TRDN: variants seen among roughly 807,000 people sequenced by gnomAD.
The protein encoded by TRDN is triadin.
In TRDN, 161 loss-of-function variants were observed where a neutral mutation model predicts 149.7. The observed-to-expected ratio is 1.08, with a 90% CI of 0.95 to 1.23. The LOEUF (loss-of-function observed/expected upper bound fraction) is 1.23, where lower values mean the gene tolerates loss of function less well. Among genes scored for constraint, TRDN ranks in the 50% most tolerant of loss-of-function variants. The pLI is 0.00. For synonymous variants in TRDN, 294 were observed against 250.5 expected (o/e 1.17, Z -1.64); for missense variants, 896 against 823.5 (o/e 1.09, Z -1.08).
chr6:123,373,196 G>C (rs1781385087), intron 19 of TRDN, among the ~76,000 whole-genome samples: 1 of 152,164 alleles, frequency 6.6e-6, no homozygotes, highest in African/African-American at 2.4e-5. Flanking sequence ...CCCAGTGGGA[G>C]GTAATTGAAT....
intron 23 of TRDN, among the ~76,000 whole-genome samples, chr6:123,325,683 A>C (rs563398855): frequency 2.5e-4 from 38 of 152,198 alleles, no homozygotes; most frequent in African/African-American, 9.1e-4. Context: ...ACAAAACTCC[A>C]CCTTTTTATG....
chr6:123,293,793 C>T (rs1778093514), intron 24 of TRDN, among the ~76,000 whole-genome samples: 1 of 147,142 alleles, frequency 6.8e-6, no homozygotes, highest in African/African-American at 2.4e-5. Context: ...TTAGGAGTAG[C>T]TTTCCCCTGT....
At chr6:123,221,607 A>T (rs1242329274) in intron 39 of TRDN, 85 bp from the exon 40 acceptor site, 1 of 840,264 alleles carries the variant, frequency 1.2e-6, no homozygotes, top group Non-Finnish European at 1.8e-6. Flanking sequence ...ATGTCTAAAC[A>T]GAAGCACACT....
At chr6:123,537,438 G>A (rs1445583320) in intron 4 of TRDN, among the ~76,000 whole-genome samples, 1 of 152,134 alleles carries the variant, frequency 6.6e-6, no homozygotes, top group Non-Finnish European at 1.5e-5. Context: ...GAGTTTTCAA[G>A]TATAATGGAG....
chr6:123,475,200 A>G (rs1777409316), intron 9 of TRDN, among the ~76,000 whole-genome samples: 1 of 147,552 alleles, frequency 6.8e-6, no homozygotes, highest in Admixed American at 6.8e-5. Context: ...AATCAAATAG[A>G]CGCAATAAAA....
intron 10 of TRDN, among the ~76,000 whole-genome samples, chr6:123,448,133 G>A (rs1358913779): frequency 4.6e-5 from 7 of 152,182 alleles, no homozygotes; most frequent in African/African-American, 1.7e-4. Context: ...GCACCACAGG[G>A]ATTCATCAGG....
intron 2 of TRDN, among the ~76,000 whole-genome samples, chr6:123,558,317 T>C (rs1781791698): frequency 6.6e-6 from 1 of 151,978 alleles, no homozygotes; most frequent in Non-Finnish European, 1.5e-5. Flanking sequence ...GAGCTAGGTC[T>C]CAATTCTTCC....
intron 22 of TRDN, among the ~76,000 whole-genome samples, chr6:123,334,325 T>C (rs768791249): frequency 2.0e-5 from 3 of 152,076 alleles, no homozygotes; most frequent in Non-Finnish European, 2.9e-5. Flanking sequence ...AATTTTGATG[T>C]CCAATTGTAT....
intron 24 of TRDN, among the ~76,000 whole-genome samples, chr6:123,299,168 G>T (rs915693029): frequency 1.3e-5 from 2 of 151,930 alleles, no homozygotes; most frequent in African/African-American, 4.8e-5. Flanking sequence ...GAGACAATAA[G>T]AAATGGGCCC....
chr6:123,258,657 A>T (rs1210663422), intron 35 of TRDN, among the ~76,000 whole-genome samples: 1 of 151,974 alleles, frequency 6.6e-6, no homozygotes, highest in Non-Finnish European at 1.5e-5. Flanking sequence ...TCACAAAATG[A>T]GTTAGGGAGG....
intron 1 of TRDN, among the ~76,000 whole-genome samples, chr6:123,591,115 G>C (rs1488176444): frequency 6.6e-6 from 1 of 151,988 alleles, no homozygotes; most frequent in Non-Finnish European, 1.5e-5. Context: ...CAATTGTGTA[G>C]AAAACAAATC....
intron 10 of TRDN, chr6:123,456,690 A>G: frequency 2.5e-6 from 1 of 392,558 alleles, no homozygotes; most frequent in South Asian, 1.9e-5. Context: ...GCTGGTCTCT[A>G]ACTCCTGAGC....
chr6:123,349,613 C>T (rs1780381339), intron 21 of TRDN: 1 of 902,528 alleles, frequency 1.1e-6, no homozygotes, highest in Non-Finnish European at 1.3e-6. Flanking sequence ...TGTTTTACTT[C>T]ATTGATTTTA....
chr6:123,431,262 AATACTGATTAAACC>A, intron 12 of TRDN, among the ~76,000 whole-genome samples: 1 of 152,180 alleles, frequency 6.6e-6, no homozygotes, highest in East Asian at 1.9e-4. Context: ...AAGGCTGGGA[AATACTGATTAAACC>A]AGGTCTAATG....
intron 12 of TRDN, among the ~76,000 whole-genome samples, chr6:123,431,778 T>C (rs1282117469): frequency 6.6e-6 from 1 of 152,182 alleles, no homozygotes; most frequent in Non-Finnish European, 1.5e-5. Flanking sequence ...TTAAGTGATC[T>C]GTAGTCTGCC....
At chr6:123,269,296 T>C (rs1777122601) in intron 31 of TRDN, among the ~76,000 whole-genome samples, 2 of 152,070 alleles carry the variant, frequency 1.3e-5, no homozygotes, top group African/African-American at 2.4e-5. Flanking sequence ...CATTTCATCA[T>C]TGTAATGGAC....
At chr6:123,234,630 G>A (rs1775721844) in intron 38 of TRDN, among the ~76,000 whole-genome samples, 1 of 152,024 alleles carries the variant, frequency 6.6e-6, no homozygotes, top group Admixed American at 6.6e-5. Context: ...AAGACTTGTG[G>A]ATAAAATCTT....
intron 38 of TRDN, among the ~76,000 whole-genome samples, chr6:123,230,742 G>C (rs947722729): frequency 6.6e-6 from 1 of 151,840 alleles, no homozygotes; most frequent in Non-Finnish European, 1.5e-5. Context: ...GATGTAGGCT[G>C]TGTGTTTATG....
At chr6:123,623,843 A>G (rs2114719559) in intron 1 of TRDN, among the ~76,000 whole-genome samples, 1 of 152,230 alleles carries the variant, frequency 6.6e-6, no homozygotes, top group East Asian at 1.9e-4. Flanking sequence ...TTAATATCTC[A>G]TCAGTTGATT....
Sources: allele counts gnomAD v4.1 joint callset (sites outside exome capture counted in the v4.1 genomes callset), GRCh38; gene constraint gnomAD v4.1.1; transcripts MANE v1.5; gene names NCBI Gene and HGNC (gene_info 2026-07-23, HGNC 2026-07-21).